GALNT13: variants seen among roughly 807,000 people sequenced by gnomAD.
GALNT13 encodes the protein polypeptide N-acetylgalactosaminyltransferase 13, also known as UDP-GalNAc:polypeptide N-acetylgalactosaminyltransferase 13.
A neutral mutation model predicts 64.2 loss-of-function variants in GALNT13; 28 were observed. The observed-to-expected ratio is 0.44, with a 90% CI of 0.32 to 0.60. The LOEUF (loss-of-function observed/expected upper bound fraction) is 0.60. GALNT13 is among the 20% of genes least tolerant of loss of function. GALNT13 has a pLI of 0.05. For missense variants in GALNT13, 577 were observed against 669.8 expected, an observed-to-expected ratio of 0.86 and a Z score of 1.53; for synonymous variants, 214 against 224.6, an observed-to-expected ratio of 0.95 and a Z score of 0.42.
intron 8 of GALNT13, among the ~76,000 whole-genome samples, chr2:154,296,361 C>T (rs1343817411): frequency 2.6e-5 from 4 of 152,130 alleles, no homozygotes; most frequent in African/African-American, 4.8e-5. Context: ...ACCAGGATAA[C>T]GTGCTAATTT....
the GALNT13 span, among the ~76,000 whole-genome samples, chr2:153,434,430 G>C: frequency 6.6e-6 from 1 of 152,234 alleles, no homozygotes; most frequent in Non-Finnish European, 1.5e-5. Context: ...GGTTGAACTA[G>C]TTTACAGTCC....
chr2:153,873,941 T>C (rs1686173622), intron 1 of GALNT13, among the ~76,000 whole-genome samples: 1 of 152,082 alleles, frequency 6.6e-6, no homozygotes, highest in Non-Finnish European at 1.5e-5. Flanking sequence ...TTCGAGAATA[T>C]TGAAAAGTAA....
intron 10 of GALNT13, among the ~76,000 whole-genome samples, chr2:154,399,432 G>A (rs1379949723): frequency 1.3e-5 from 2 of 152,208 alleles, no homozygotes; most frequent in South Asian, 2.1e-4. Flanking sequence ...CTTCTAGGAT[G>A]GCATGTTGTC....
intron 3 of GALNT13, among the ~76,000 whole-genome samples, chr2:153,975,648 T>C (rs1258443643): frequency 6.6e-6 from 1 of 152,152 alleles, no homozygotes; most frequent in African/African-American, 2.4e-5. Context: ...TCTTCTTAAT[T>C]TGGCTGCTTT....
intron 11 of GALNT13, among the ~76,000 whole-genome samples, chr2:154,432,520 G>C (rs570714816): frequency 4.4e-4 from 67 of 152,144 alleles, no homozygotes; most frequent in Non-Finnish European, 8.7e-4. Flanking sequence ...CTAGTAAATT[G>C]CTTAATAGAA....
chr2:153,962,427 T>G (rs974147621), intron 3 of GALNT13, among the ~76,000 whole-genome samples: 2 of 152,078 alleles, frequency 1.3e-5, no homozygotes, highest in Non-Finnish European at 2.9e-5. Flanking sequence ...TTGAAAAAGA[T>G]GGAGATAGGT....
the GALNT13 span, among the ~76,000 whole-genome samples, chr2:153,780,664 C>T: frequency 3.9e-5 from 6 of 152,190 alleles, no homozygotes; most frequent in East Asian, 3.9e-4. Flanking sequence ...AAGACATCCA[C>T]GTGGAGGAAC....
At chr2:153,716,616 T>G in the GALNT13 span, among the ~76,000 whole-genome samples, 1 of 152,206 alleles carries the variant, frequency 6.6e-6, no homozygotes, top group Admixed American at 6.5e-5. Context: ...AATTGTATTG[T>G]TGCAGTCATA....
chr2:153,685,554 C>A, the GALNT13 span, among the ~76,000 whole-genome samples: 2 of 152,018 alleles, frequency 1.3e-5, no homozygotes, highest in East Asian at 3.9e-4. Context: ...CTTATAGATG[C>A]TGGATATTAG....
At chr2:153,605,429 A>G in the GALNT13 span, among the ~76,000 whole-genome samples, 1 of 152,118 alleles carries the variant, frequency 6.6e-6, no homozygotes, top group Non-Finnish European at 1.5e-5. Flanking sequence ...TACTGCAGTT[A>G]ACTGTTAGCA....
intron 1 of GALNT13, among the ~76,000 whole-genome samples, chr2:153,874,055 T>C (rs1686181231): frequency 6.6e-6 from 1 of 151,884 alleles, no homozygotes; most frequent in Non-Finnish European, 1.5e-5. Context: ...ACTTTTGCAT[T>C]ACATTACTAA....
At chr2:154,122,674 G>A (rs1318599790) in intron 3 of GALNT13, among the ~76,000 whole-genome samples, 2 of 151,830 alleles carry the variant, frequency 1.3e-5, no homozygotes, top group Non-Finnish European at 2.9e-5. Flanking sequence ...ATAGTTTTGT[G>A]TGTTTTGATA....
the GALNT13 span, among the ~76,000 whole-genome samples, chr2:153,684,163 A>G: frequency 1.1e-4 from 17 of 151,764 alleles, no homozygotes; most frequent in South Asian, 2.7e-3. Flanking sequence ...CCTGGGAGAA[A>G]TTATAGTTTG....
the GALNT13 span, among the ~76,000 whole-genome samples, chr2:153,629,227 C>A: frequency 6.7e-6 from 1 of 150,154 alleles, no homozygotes; most frequent in Non-Finnish European, 1.5e-5. Context: ...ATCTATATTG[C>A]ATCTACCTGA....
At chr2:153,742,905 A>G in the GALNT13 span, among the ~76,000 whole-genome samples, 1 of 149,300 alleles carries the variant, frequency 6.7e-6, no homozygotes, top group Non-Finnish European at 1.5e-5. Flanking sequence ...TATTTTACAC[A>G]ATGATTTCTT....
the GALNT13 span, among the ~76,000 whole-genome samples, chr2:153,413,608 G>C: frequency 2.6e-5 from 4 of 152,090 alleles, no homozygotes; most frequent in Admixed American, 6.5e-5. Flanking sequence ...AACTGCCGTT[G>C]TTCTATTGAG....
chr2:153,979,207 A>T (rs1055818563), intron 3 of GALNT13, among the ~76,000 whole-genome samples: 6 of 152,162 alleles, frequency 3.9e-5, no homozygotes, highest in African/African-American at 1.4e-4. Flanking sequence ...ACATTTACTT[A>T]TAATGAATTA....
At chr2:154,433,675 G>A (rs1186794413) in intron 11 of GALNT13, among the ~76,000 whole-genome samples, 1 of 150,194 alleles carries the variant, frequency 6.7e-6, no homozygotes, top group East Asian at 2.0e-4. Flanking sequence ...ATTACATTTA[G>A]AGTTTTGATT....
chr2:153,704,773 T>C, the GALNT13 span, among the ~76,000 whole-genome samples: 1 of 152,192 alleles, frequency 6.6e-6, no homozygotes, highest in African/African-American at 2.4e-5. Context: ...GTTAGGTTAA[T>C]AGAAACCCAA....
Sources: allele counts gnomAD v4.1 joint callset (sites outside exome capture counted in the v4.1 genomes callset), GRCh38; gene constraint gnomAD v4.1.1; transcripts MANE v1.5; gene names NCBI Gene and HGNC (gene_info 2026-07-23, HGNC 2026-07-21).